Variants in PCDH11X observed in about 807,000 individuals in gnomAD.
PCDH11X encodes protocadherin 11 X-linked, also known as protocadherin-11 X-linked.
In PCDH11X, 18 loss-of-function variants were observed where a neutral mutation model predicts 53.3. The ratio of observed to expected loss-of-function variants is 0.34; its 90% CI spans 0.23 to 0.50. The LOEUF is 0.50. Ranked by LOEUF, PCDH11X falls within the 20% of genes least tolerant of loss-of-function variation. The pLI is 0.98. For synonymous variants in PCDH11X, 279 were observed against 393.3 expected (o/e 0.71, Z 3.44); for missense variants, 570 against 1,032.4 (o/e 0.55, Z 6.14).
At chrX:92,587,331 C>A (rs1924499565) in intron 10 of PCDH11X, among the ~76,000 whole-genome samples, 1 of 111,226 alleles carries the variant, frequency 9.0e-6, no homozygotes, top group Non-Finnish European at 1.9e-5. Flanking sequence ...TATTTGCTCT[C>A]AAATTGATAG....
At chrX:92,244,608 G>C (rs1383832448) in intron 7 of PCDH11X, among the ~76,000 whole-genome samples, 1 of 111,657 alleles carries the variant, frequency 9.0e-6, no homozygotes, top group Non-Finnish European at 1.9e-5. Context: ...AGGACTGTGT[G>C]TTAGTGCTTT....
chrX:92,384,469 A>G (rs1017351451), intron 8 of PCDH11X, among the ~76,000 whole-genome samples: 4 of 111,397 alleles, frequency 3.6e-5, no homozygotes, highest in African/African-American at 1.3e-4. Flanking sequence ...GGATTGCAGT[A>G]GAGAAGGAGT....
intron 8 of PCDH11X, among the ~76,000 whole-genome samples, chrX:92,367,989 A>G (rs2148547974): frequency 9.8e-6 from 1 of 102,457 alleles, no homozygotes; most frequent in Non-Finnish European, 2.0e-5. Flanking sequence ...GCTTTTCTCA[A>G]GAATTATCTT....
chrX:92,443,172 A>G (rs1374247370), intron 9 of PCDH11X, among the ~76,000 whole-genome samples: 5 of 110,427 alleles, frequency 4.5e-5, no homozygotes, highest in Non-Finnish European at 7.6e-5. Flanking sequence ...CTGATTAGTG[A>G]TATGGAGCAT....
chrX:92,341,122 C>A (rs1004498484), intron 8 of PCDH11X, among the ~76,000 whole-genome samples: 4 of 111,784 alleles, frequency 3.6e-5, no homozygotes, highest in Admixed American at 2.9e-4. Context: ...AAATTCTTTG[C>A]TAAGACATAA....
At chrX:91,948,877 A>T (rs2061606364) in intron 6 of PCDH11X, among the ~76,000 whole-genome samples, 1 of 110,427 alleles carries the variant, frequency 9.1e-6, no homozygotes, top group Middle Eastern at 4.2e-3. Flanking sequence ...ACAGGCCAGG[A>T]TGATAAGATA....
rs189451812 is a variant in PCDH11X, at chrX:91,969,944, G to A, written c.3033+90671G>A. ...GGGTAATTTATTGAATCCCACTAAG[G>A]TTCAGCTTCCTCATTTGTAAAATAA... On this transcript the variant is annotated intron_variant, in intron 6 of 10. Transcript: ENST00000682573. Among the ~76,000 whole-genome samples the A allele has an allele frequency of 4.1e-3, 455 of 110,891 alleles. 1 individual carries two copies. Among genetic ancestry groups the A allele is most frequent in the Non-Finnish European group, 5.6e-3 (298 of 52,908 alleles).
intron 10 of PCDH11X, among the ~76,000 whole-genome samples, chrX:92,613,891 GT>G (rs1228095003): frequency 1.8e-5 from 2 of 108,912 alleles, no homozygotes; most frequent in African/African-American, 6.7e-5. Flanking sequence ...CAAAATACTG[GT>G]CTTTAAGCTC....
intron 8 of PCDH11X, among the ~76,000 whole-genome samples, chrX:92,382,144 G>T (rs1444107608): frequency 9.0e-6 from 1 of 111,706 alleles, no homozygotes; most frequent in East Asian, 2.8e-4. Flanking sequence ...TATAAAATGT[G>T]GGAACTTGGA....
chrX:92,300,609 C>G (rs749641547), intron 8 of PCDH11X, among the ~76,000 whole-genome samples: 1 of 110,616 alleles, frequency 9.0e-6, no homozygotes, highest in Non-Finnish European at 1.9e-5. Flanking sequence ...TCCCGAGTAG[C>G]TGGGATTACA....
chrX:92,590,921 C>T (rs1362720161), intron 10 of PCDH11X, among the ~76,000 whole-genome samples: 1 of 110,896 alleles, frequency 9.0e-6, no homozygotes, highest in Non-Finnish European at 1.9e-5. Flanking sequence ...TGATTATCCC[C>T]TCTTCAAATT....
chrX:92,537,991 ATTTG>A (rs1347988894), intron 10 of PCDH11X, among the ~76,000 whole-genome samples: 71 of 94,417 alleles, frequency 7.5e-4, no homozygotes, highest in African/African-American at 2.6e-3. Flanking sequence ...CTTTTTATTT[ATTTG>A]TTTATTTTCA....
At chrX:92,611,565 C>A (rs1167833653) in intron 10 of PCDH11X, among the ~76,000 whole-genome samples, 1 of 109,239 alleles carries the variant, frequency 9.2e-6, no homozygotes, top group Non-Finnish European at 1.9e-5. Context: ...CTGATTAGAT[C>A]CCTTTAGTTC....
At chrX:91,822,699 T>G (rs1276920680) in intron 4 of PCDH11X, among the ~76,000 whole-genome samples, 4 of 108,901 alleles carry the variant, frequency 3.7e-5, no homozygotes, top group Non-Finnish European at 7.6e-5. Context: ...TTTTAGTTAT[T>G]TCTTGCCTTC....
chrX:92,524,415 C>T (rs1307987729), intron 10 of PCDH11X, among the ~76,000 whole-genome samples: 1 of 103,373 alleles, frequency 9.7e-6, no homozygotes, highest in South Asian at 4.7e-4. Context: ...TGCAAATACA[C>T]ATTATAGTAA....
At chrX:92,527,963 TA>T (rs2074486304) in intron 10 of PCDH11X, among the ~76,000 whole-genome samples, 1 of 111,761 alleles carries the variant, frequency 8.9e-6, no homozygotes, top group Non-Finnish European at 1.9e-5. Context: ...TTATCTGACA[TA>T]TGTCAAGATA....
intron 6 of PCDH11X, among the ~76,000 whole-genome samples, chrX:91,963,487 G>T (rs769685081): frequency 1.8e-5 from 2 of 110,401 alleles, no homozygotes; most frequent in East Asian, 5.7e-4. Context: ...ACCTCAGCCT[G>T]GACTTCATTG....
chrX:92,173,596 A>G (rs1159310656), intron 6 of PCDH11X, among the ~76,000 whole-genome samples: 1 of 110,804 alleles, frequency 9.0e-6, no homozygotes, highest in Non-Finnish European at 1.9e-5. Context: ...TAGAGACCCT[A>G]CTTTCCTACT....
At chrX:92,084,466 G>A (rs1157116640) in intron 6 of PCDH11X, among the ~76,000 whole-genome samples, 2 of 105,696 alleles carry the variant, frequency 1.9e-5, no homozygotes, top group Admixed American at 1.0e-4. Context: ...AGAATCGCTT[G>A]AACCCGGGAA....
Sources: gnomAD v4.1 joint callset for allele counts (sites outside exome capture counted in the v4.1 genomes callset) on GRCh38, gnomAD v4.1.1 for gene constraint, MANE v1.5 for transcripts, NCBI Gene and HGNC (gene_info 2026-07-23, HGNC 2026-07-21) for gene names.